Variants in EPB41L5 observed in about 807,000 individuals in gnomAD.
EPB41L5 encodes the protein band 4.1-like protein 5.
EPB41L5 carries 55 observed loss-of-function variants against 106.6 expected under a neutral mutation model. The ratio of observed to expected loss-of-function variants is 0.52; its 90% CI spans 0.42 to 0.65. The LOEUF (loss-of-function observed/expected upper bound fraction) is 0.65, where lower values mean the gene tolerates loss of function less well. Ranked by LOEUF, EPB41L5 falls within the 30% of genes least tolerant of loss-of-function variation. EPB41L5 has a pLI of 0.00. For missense variants in EPB41L5, 871 were observed against 882.1 expected, an observed-to-expected ratio of 0.99 and a Z score of 0.16; for synonymous variants, 297 against 306.7, an observed-to-expected ratio of 0.97 and a Z score of 0.33.
At chr2:120,165,978 A>AC (rs1687385368) in intron 22 of EPB41L5, among the ~76,000 whole-genome samples, 1 of 149,652 alleles carries the variant, frequency 6.7e-6, no homozygotes, top group African/African-American at 2.5e-5. Flanking sequence ...AAAAAAAAAA[A>AC]AAAAAAAAAA....
At chr2:120,147,330 C>A (rs183897780) in intron 20 of EPB41L5, among the ~76,000 whole-genome samples, 10 of 152,262 alleles carry the variant, frequency 6.6e-5, no homozygotes, top group Admixed American at 6.5e-4. Flanking sequence ...TTCTGAGTGA[C>A]AGAGTGAGAC....
intron 1 of EPB41L5, among the ~76,000 whole-genome samples, chr2:120,015,873 C>T (rs1192700442): frequency 7.0e-6 from 1 of 143,872 alleles, no homozygotes; most frequent in Non-Finnish European, 1.5e-5. Flanking sequence ...ATGAAGGCCG[C>T]AGTGAGCCCT....
At chr2:120,141,190 GATAAA>G (rs1181495515) in intron 18 of EPB41L5, among the ~76,000 whole-genome samples, 2 of 152,086 alleles carry the variant, frequency 1.3e-5, no homozygotes, top group African/African-American at 4.8e-5. Context: ...CTTTTTGTAA[GATAAA>G]ATAAATACTG....
At chr2:120,131,074 A>G (rs1356713960) in intron 17 of EPB41L5, among the ~76,000 whole-genome samples, 1 of 152,242 alleles carries the variant, frequency 6.6e-6, no homozygotes, top group Non-Finnish European at 1.5e-5. Flanking sequence ...GTATTTTGCC[A>G]CTAGGAAGAA....
intron 2 of EPB41L5, among the ~76,000 whole-genome samples, chr2:120,029,036 G>A (rs886376127): frequency 6.6e-6 from 1 of 152,194 alleles, no homozygotes; most frequent in South Asian, 2.1e-4. Context: ...GGAAAACGCA[G>A]GATTGCTATG....
chr2:120,070,009 C>CA (rs1247452997), intron 3 of EPB41L5, among the ~76,000 whole-genome samples: 1 of 152,104 alleles, frequency 6.6e-6, no homozygotes, highest in Non-Finnish European at 1.5e-5. Flanking sequence ...TTCAAAAAAT[C>CA]AATGAATCCA....
At chr2:120,142,124 A>G (rs1279484819) in intron 18 of EPB41L5, among the ~76,000 whole-genome samples, 2 of 151,200 alleles carry the variant, frequency 1.3e-5, no homozygotes, top group African/African-American at 2.4e-5. Flanking sequence ...AAAAAAAAAA[A>G]AAAAAAAAAA....
chr2:120,072,168 C>A (rs1219345387), intron 3 of EPB41L5, among the ~76,000 whole-genome samples: 2 of 152,012 alleles, frequency 1.3e-5, no homozygotes, highest in South Asian at 4.2e-4. Context: ...ATATGGCCAG[C>A]AAACACATGA....
At chr2:120,118,691 C>T (rs1468828239) in intron 16 of EPB41L5, among the ~76,000 whole-genome samples, 2 of 152,356 alleles carry the variant, frequency 1.3e-5, no homozygotes, top group African/African-American at 4.8e-5. Flanking sequence ...CTTTTTATGA[C>T]TGCGTAGTAT....
Position 120,174,143 on chromosome 2 carries a change from C to T in EPB41L5, c.2136-698C>T, listed in dbSNP as rs541414246. Among the ~76,000 whole-genome samples the T allele has an allele frequency of 1.5e-4, 23 of 152,270 alleles. No homozygotes were observed. In the South Asian group the frequency reaches 2.3e-3, roughly 15 times the overall value. ...AGATTAACTGGTAGGAACACAGACA[C>T]GGCCATGTAGGAATATGTAAAGAAA... On this transcript the variant is annotated intron_variant, in intron 24 of 24. Coordinates refer to ENST00000263713, the MANE Select transcript of EPB41L5 (RefSeq NM_020909.4).
intron 22 of EPB41L5, 76 bp from the exon 23 acceptor site, chr2:120,167,390 T>TGTAA (rs756286280): frequency 1.4e-4 from 171 of 1,231,982 alleles, no homozygotes; most frequent in Non-Finnish European, 1.8e-4. Flanking sequence ...TCATAATAGA[T>TGTAA]GTAAGTAAGT....
chr2:120,023,338 C>G (rs1228822076), intron 2 of EPB41L5, among the ~76,000 whole-genome samples: 1 of 151,984 alleles, frequency 6.6e-6, no homozygotes, highest in Non-Finnish European at 1.5e-5. Context: ...GTCTTTAATC[C>G]ATCTTGAGTT....
intron 18 of EPB41L5, among the ~76,000 whole-genome samples, chr2:120,140,711 T>C (rs1324474366): frequency 1.3e-5 from 2 of 152,010 alleles, no homozygotes; most frequent in Non-Finnish European, 2.9e-5. Context: ...TCCCAAAATC[T>C]GAAAAAATAC....
At chr2:120,094,189 A>G (rs1683598389) in intron 14 of EPB41L5, among the ~76,000 whole-genome samples, 1 of 151,882 alleles carries the variant, frequency 6.6e-6, no homozygotes. Context: ...GCCTCCCTGT[A>G]TTGCCCAGGC....
At chr2:120,072,929 T>TAAA (rs11397278) in intron 3 of EPB41L5, among the ~76,000 whole-genome samples, 1 of 147,490 alleles carries the variant, frequency 6.8e-6, no homozygotes, top group African/African-American at 2.5e-5. Context: ...TTAAAGTATT[T>TAAA]AAAAAAAAAA....
chr2:120,131,587 G>A lies in EPB41L5; in HGVS notation c.1502-31G>A, dbSNP rs962979531. 4 of 1,518,508 alleles carry A rather than the reference G, an allele frequency of 2.6e-6. No individual in the cohort carries two copies. In the African/African-American group the frequency reaches 5.6e-5, roughly 21 times the overall value. The allele number at this position is 1,518,508 out of a possible 1,614,324, so 94.1% of individuals were successfully genotyped here. The stretch of plus-strand genomic sequence containing the variant: ...CTAGCTGTGACAGCCTGGCAGACTG[G>A]GGTTATTTTGCCTTTTTTTTTTCTT... On this transcript the variant is annotated intron_variant, in intron 17 of 24. Coordinates refer to ENST00000263713, the MANE Select transcript of EPB41L5 (RefSeq NM_020909.4).
chr2:120,087,371 T>G, intron 11 of EPB41L5, 131 bp downstream of exon 11: 4 of 526,002 alleles, frequency 7.6e-6, no homozygotes, highest in Non-Finnish European at 1.3e-5. Context: ...AATTAATGCT[T>G]TAAATAATTT....
At chr2:120,076,045 C>T (rs139167903) in intron 7 of EPB41L5, among the ~76,000 whole-genome samples, 58 of 152,252 alleles carry the variant, frequency 3.8e-4, no homozygotes, top group Middle Eastern at 6.8e-3. Flanking sequence ...AAAAGAAATG[C>T]AGTTATGTAG....
intron 20 of EPB41L5, among the ~76,000 whole-genome samples, chr2:120,152,870 A>T (rs1194271403): frequency 6.6e-6 from 1 of 152,190 alleles, no homozygotes; most frequent in East Asian, 1.9e-4. Flanking sequence ...TAGGTGATTT[A>T]ATTTACTGGA....
Sources: allele counts gnomAD v4.1 joint callset (sites outside exome capture counted in the v4.1 genomes callset), GRCh38; gene constraint gnomAD v4.1.1; transcripts MANE v1.5; gene names NCBI Gene and HGNC (gene_info 2026-07-23, HGNC 2026-07-21).